CMSS1: variants seen among roughly 807,000 people sequenced by gnomAD.
The protein encoded by CMSS1 is cms1 ribosomal small subunit homolog, also known as protein CMSS1.
In CMSS1, 33 loss-of-function variants were observed where a neutral mutation model predicts 43.5. That is an observed-to-expected ratio of 0.76 (90% CI 0.57 to 1.01). The LOEUF is 1.01. CMSS1 is among the 50% of genes least tolerant of loss of function. The probability of loss-of-function intolerance (pLI) is 0.00; values close to 1 mark genes in which losing one functional copy is unlikely to be tolerated. For missense variants in CMSS1, 313 were observed against 326.4 expected, an observed-to-expected ratio of 0.96 and a Z score of 0.32; for synonymous variants, 115 against 117.2, an observed-to-expected ratio of 0.98 and a Z score of 0.12.
At chr3:100,127,184 A>G (rs1462069567) in intron 1 of CMSS1, among the ~76,000 whole-genome samples, 1 of 152,166 alleles carries the variant, frequency 6.6e-6, no homozygotes, top group East Asian at 1.9e-4. Context: ...TATAAATTCT[A>G]CCCTTATAAA....
intron 1 of CMSS1, among the ~76,000 whole-genome samples, chr3:99,915,068 A>G (rs992473934): frequency 3.9e-5 from 6 of 152,136 alleles, no homozygotes; most frequent in East Asian, 1.9e-4. Context: ...TTCTAGCTCC[A>G]TGATAAGGGC....
Position 99,936,729 on chromosome 3 carries a change from G to A in CMSS1, c.64+118686G>A, listed in dbSNP as rs71313580. The stretch of plus-strand genomic sequence containing the variant: ...GGTCACACTGCTAAAAAGTGGCAGA[G>A]TCAGAGTCAGGCCCTAATTTAGGCA... On this transcript the variant is annotated intron_variant, in intron 1 of 9. Coordinates refer to ENST00000421999, the MANE Select transcript of CMSS1 (RefSeq NM_032359.4). 3.3e-5 allele frequency among the ~76,000 whole-genome samples: 5 copies of A among 151,134 alleles called. No individual in the cohort carries two copies. The South Asian group carries it at 8.4e-4, about 25-fold the overall frequency.
At chr3:99,823,280 T>C (rs927889891) in intron 1 of CMSS1, among the ~76,000 whole-genome samples, 2 of 152,216 alleles carry the variant, frequency 1.3e-5, no homozygotes, top group Non-Finnish European at 2.9e-5. Flanking sequence ...ATCCTGGAGC[T>C]CAAAGCTTAA....
chr3:100,075,068 T>A (rs188781030), intron 1 of CMSS1, among the ~76,000 whole-genome samples: 1,994 of 152,238 alleles, frequency 0.013, 29 homozygotes, highest in Non-Finnish European at 0.02. Context: ...TATATTTTTT[T>A]AGGATATATT....
chr3:99,937,106 T>C (rs995126311), intron 1 of CMSS1, among the ~76,000 whole-genome samples: 2 of 151,990 alleles, frequency 1.3e-5, no homozygotes, highest in African/African-American at 4.8e-5. Flanking sequence ...TGGCTAATTT[T>C]TTTGTATTTT....
At chr3:99,830,429 C>T (rs545781046) in intron 1 of CMSS1, 67 of 449,442 alleles carry the variant, frequency 1.5e-4, no homozygotes, top group African/African-American at 1.1e-3. Flanking sequence ...TTCTCCCTCC[C>T]ACGTGGAGGA....
chr3:99,982,622 G>C (rs1409158595), intron 1 of CMSS1, among the ~76,000 whole-genome samples: 1 of 152,144 alleles, frequency 6.6e-6, no homozygotes, highest in African/African-American at 2.4e-5. Context: ...GGGATTACAG[G>C]CATGAGCCAC....
At chr3:99,895,314 A>C (rs560204410) in intron 1 of CMSS1, among the ~76,000 whole-genome samples, 3 of 152,226 alleles carry the variant, frequency 2.0e-5, no homozygotes, top group African/African-American at 7.2e-5. Flanking sequence ...TTAAAGAATG[A>C]ATCATAATCC....
At chr3:100,166,601 T>A (rs561168018) in intron 5 of CMSS1, among the ~76,000 whole-genome samples, 24 of 152,334 alleles carry the variant, frequency 1.6e-4, no homozygotes, top group Admixed American at 3.9e-4. Flanking sequence ...TGGACTTAAT[T>A]TCCTATCTGA....
chr3:99,819,509 A>G (rs1942388966), intron 1 of CMSS1, among the ~76,000 whole-genome samples: 1 of 152,216 alleles, frequency 6.6e-6, no homozygotes, highest in African/African-American at 2.4e-5. Flanking sequence ...AACTTTCATA[A>G]CATCCCGAAA....
chr3:100,171,183 T>C (rs1326261521), intron 6 of CMSS1, among the ~76,000 whole-genome samples: 1 of 152,100 alleles, frequency 6.6e-6, no homozygotes, highest in African/African-American at 2.4e-5. Context: ...TGGTTTCTTC[T>C]TACTTTTTTT....
intron 1 of CMSS1, 101 bp downstream of exon 1, chr3:99,818,144 G>C (rs1405626278): frequency 8.9e-7 from 1 of 1,127,002 alleles, no homozygotes; most frequent in African/African-American, 1.5e-5. Flanking sequence ...TGCCCAGCAG[G>C]GGTGTGCACC....
intron 1 of CMSS1, among the ~76,000 whole-genome samples, chr3:99,903,781 C>CT (rs962699800): frequency 5.3e-5 from 8 of 152,010 alleles, no homozygotes; most frequent in Admixed American, 1.3e-4. Context: ...AAAAGTGTGT[C>CT]TTTTTTTACT....
intron 1 of CMSS1, among the ~76,000 whole-genome samples, chr3:100,135,485 TG>T (rs2066745892): frequency 6.3e-5 from 9 of 143,780 alleles, no homozygotes; most frequent in Non-Finnish European, 1.4e-4. Flanking sequence ...TGTGTGTGTG[TG>T]TGTGTTTAAG....
At chr3:100,064,092 G>A (rs746468687) in intron 1 of CMSS1, among the ~76,000 whole-genome samples, 2 of 152,106 alleles carry the variant, frequency 1.3e-5, no homozygotes, top group African/African-American at 2.4e-5. Flanking sequence ...TGTTGCTTCT[G>A]GTTTCAGAGA....
intron 1 of CMSS1, among the ~76,000 whole-genome samples, chr3:99,834,976 G>A (rs149745760): frequency 3.9e-5 from 6 of 152,210 alleles, no homozygotes; most frequent in African/African-American, 1.4e-4. Flanking sequence ...CTAAAGTTTC[G>A]GGTGTTAGGT....
At chr3:100,020,076 T>G (rs537076270) in intron 1 of CMSS1, among the ~76,000 whole-genome samples, 1 of 152,334 alleles carries the variant, frequency 6.6e-6, no homozygotes, top group African/African-American at 2.4e-5. Context: ...AAAGCCTTAC[T>G]ATAATCCAGA....
chr3:99,952,858 G>A lies in CMSS1; in HGVS notation c.64+134815G>A, dbSNP rs149733332. Among the ~76,000 whole-genome samples, 212 of 152,132 alleles carry A rather than the reference G, an allele frequency of 1.4e-3. 1 individual carries two copies. The highest frequency in any genetic ancestry group is 0.014 in the Middle Eastern group (4 of 292). On this transcript the variant is annotated intron_variant, in intron 1 of 9. Coordinates refer to ENST00000421999, the MANE Select transcript of CMSS1 (RefSeq NM_032359.4). Reference sequence around the variant, plus strand: ...AGGATAATTTCAATCTTTATATGTTGGATTGTTTTTCTGCATAATGAAAAA... The same window carrying A: ...AGGATAATTTCAATCTTTATATGTTAGATTGTTTTTCTGCATAATGAAAAA...
At chr3:99,988,963 AG>A (rs1391017041) in intron 1 of CMSS1, among the ~76,000 whole-genome samples, 1 of 152,240 alleles carries the variant, frequency 6.6e-6, no homozygotes, top group East Asian at 1.9e-4. Flanking sequence ...TCAGAAGTGT[AG>A]TGTGACTGTG....
Sources: gnomAD v4.1 joint callset for allele counts (sites outside exome capture counted in the v4.1 genomes callset) on GRCh38, gnomAD v4.1.1 for gene constraint, MANE v1.5 for transcripts, NCBI Gene and HGNC (gene_info 2026-07-23, HGNC 2026-07-21) for gene names.